CD101: variants seen among roughly 807,000 people sequenced by gnomAD.
CD101 encodes immunoglobulin superfamily member 2.
A neutral mutation model predicts 98.2 loss-of-function variants in CD101; 76 were observed. The observed-to-expected ratio is 0.77, with a 90% CI of 0.64 to 0.94. The LOEUF is 0.94. Ranked by LOEUF, CD101 falls within the 40% of genes least tolerant of loss-of-function variation. The pLI is 0.00. For synonymous variants in CD101, 471 were observed against 472.7 expected, an observed-to-expected ratio of 1.00 and a Z score of 0.05; for missense variants, 1,145 against 1,218.8, an observed-to-expected ratio of 0.94 and a Z score of 0.90.
In CD101 at chr1:117,018,224, T is replaced by A; in HGVS notation, c.1681T>A (p.Ser561Thr). 1 of 1,614,150 alleles carries A rather than the reference T, an allele frequency of 6.2e-7. No individual in the cohort carries two copies. The highest frequency in any genetic ancestry group is 1.1e-5 in the South Asian group (1 of 91,080). Residue 561 changes from serine to threonine, a missense_variant, in exon 6 of 10, where the codon TCC (serine) becomes ACC (threonine). Transcript: ENST00000682167. The surrounding 1 kb of genome is among the most constrained non-coding windows in gnomAD (Gnocchi z 4.3). ...GATGTTAACCAACACCTTTGACCTGTCCTGTGTCGTGAGGGCCGGTTACTC... is the reference window on the plus strand; with the variant it reads ...GATGTTAACCAACACCTTTGACCTGACCTGTGTCGTGAGGGCCGGTTACTC... ...QVMLTNTFDL[S>T]CVVRAGYSDL...
intron 6 of CD101, among the ~76,000 whole-genome samples, chr1:117,020,013 C>A (rs972404142): frequency 6.6e-6 from 1 of 152,058 alleles, no homozygotes; most frequent in Non-Finnish European, 1.5e-5. Flanking sequence ...GGCAGCTCCT[C>A]AATTGTCCAT....
At chr1:117,008,348 C>T (rs1652664180) in intron 1 of CD101, among the ~76,000 whole-genome samples, 1 of 152,072 alleles carries the variant, frequency 6.6e-6, no homozygotes, top group African/African-American at 2.4e-5. Context: ...GCCTGTAATC[C>T]TAGCTACTCA....
In CD101 at chr1:117,025,521, G is replaced by A. The variant is rs374452638; in HGVS notation, c.2441G>A (p.Arg814His). ...TTTTATTTTCTAGGAAGTAAGGTAC[G>A]TGTCTCCAAAGTGTACTGGACCGAA... Reference protein sequence around the residue: ...LKLKPTGSKVRVSKVYWTENV... With the variant: ...LKLKPTGSKVHVSKVYWTENV... The change falls in exon 8 of 10, where the codon CGT becomes CAT. Residue 814 changes from arginine to histidine, a missense_variant. Transcript: ENST00000682167. 9.6e-6 allele frequency: 15 copies of A among 1,555,356 alleles called. No homozygotes were observed. Among genetic ancestry groups the A allele is most frequent in the African/African-American group, 6.8e-5 (5 of 73,190 alleles).
At chr1:117,017,566 T>A in intron 5 of CD101, 93 bp downstream of exon 5, 1 of 1,268,042 alleles carries the variant, frequency 7.9e-7, no homozygotes, top group Non-Finnish European at 1.1e-6. Flanking sequence ...AATCCCCCAG[T>A]GATGGTATGT....
rs3835638 is a variant in CD101 at position 117,030,379 on chromosome 1, AAAAC to A, written c.2825-3457_2825-3454del. On this transcript the variant is annotated intron_variant, in intron 8 of 9. Transcript: ENST00000682167. ...CTGGATGACAGAGCAAGACACTGTCAAAACAAACAAACAAACAAACAAACAAAGA... is the reference window on the plus strand; with the variant it reads ...CTGGATGACAGAGCAAGACACTGTCAAAACAAACAAACAAACAAACAAAGA... 5.0e-3 allele frequency among the ~76,000 whole-genome samples: 758 copies of A among 150,338 alleles called. 1 individual carries two copies. The highest frequency in any genetic ancestry group is 0.015 in the African/African-American group (606 of 40,606).
At chr1:117,034,250 C>A (rs1654658914) in intron 9 of CD101, 116 bp downstream of exon 9, 2 of 892,678 alleles carry the variant, frequency 2.2e-6, no homozygotes, top group South Asian at 1.7e-5. Context: ...TCACTGAGTG[C>A]TTATTGGTTC....
chr1:117,008,960 A>C (rs1324124623), intron 1 of CD101, among the ~76,000 whole-genome samples: 1 of 152,214 alleles, frequency 6.6e-6, no homozygotes, highest in Non-Finnish European at 1.5e-5. Flanking sequence ...TCTTTCTGCA[A>C]CACAAAATGA....
rs576726007 is a variant in CD101 at position 117,010,577 on chromosome 1, G to C, written c.424+347G>C. ...CTGCTTGCAGGCAGAACAGTAATTT[G>C]ACAAGAAAGCTGGTACCATAGGTGA... On this transcript the variant is annotated intron_variant, in intron 2 of 9. Coordinates refer to ENST00000682167, the MANE Select transcript of CD101 (RefSeq NM_001256106.3). The surrounding 1 kb of genome is among the most constrained non-coding windows in gnomAD (Gnocchi z 5.2). Among the ~76,000 whole-genome samples, 10 of 152,314 alleles carry C rather than the reference G, an allele frequency of 6.6e-5. No homozygotes were observed. In the South Asian group the frequency reaches 2.1e-3, roughly 32 times the overall value.
Position 117,021,695 on chromosome 1 carries a change from T to A in CD101, c.2140T>A (p.Tyr714Asn), listed in dbSNP as rs1653594517. The change falls in exon 7 of 10, where the codon TAT (tyrosine) becomes AAT (asparagine). Residue 714 changes from tyrosine (Y) to asparagine (N), a missense_variant. Coordinates refer to ENST00000682167, the MANE Select transcript of CD101 (RefSeq NM_001256106.3). This position sits in a 1 kb window ranked among gnomAD's most constrained non-coding sequence, Gnocchi z 4.7. The part of the protein sequence containing the change: ...NGNLQLAIIW[Y>N]FSPVSTNASW... ...AAACCTTCAGTTAGCCATTATTTGG[T>A]ATTTTTCTCCTGTTTCCACTAATGC... 6.2e-7 allele frequency: 1 copy of A among 1,614,184 alleles called. No homozygotes were observed. The highest frequency in any genetic ancestry group is 8.5e-7 in the Non-Finnish European group (1 of 1,180,024).
Position 117,018,340 on chromosome 1 carries a change from C to T in CD101, c.1797C>T (p.Gly599=). The part of the protein sequence containing the change: ...FHQLIRITHN[G]TIEWGNFLSR... ...AGCTTATTCGAATCACCCACAATGG[C>T]ACTATTGAATGGGGGAATTTCCTAT... The change falls in exon 6 of 10, where the codon GGC becomes GGT. Residue 599 remains glycine, a synonymous_variant. Transcript: ENST00000682167. The surrounding 1 kb of genome is among the most constrained non-coding windows in gnomAD (Gnocchi z 4.3). 6.2e-6 allele frequency: 10 copies of T among 1,614,180 alleles called. No individual in the cohort carries two copies. Among genetic ancestry groups the T allele is most frequent in the Non-Finnish European group, 8.5e-6 (10 of 1,180,022 alleles).
intron 1 of CD101, among the ~76,000 whole-genome samples, chr1:117,008,959 A>G (rs1652711220): frequency 6.6e-6 from 1 of 152,208 alleles, no homozygotes; most frequent in African/African-American, 2.4e-5. Flanking sequence ...TTCTTTCTGC[A>G]ACACAAAATG....
chr1:117,022,048 T>C lies in CD101; in HGVS notation c.2428+65T>C, dbSNP rs939081634. 3.3e-6 allele frequency: 5 copies of C among 1,511,984 alleles called. No homozygotes were observed. The highest frequency in any genetic ancestry group is 4.5e-6 in the Non-Finnish European group (5 of 1,121,060). The allele number at this position is 1,511,984 out of a possible 1,614,324, so 93.7% of individuals were successfully genotyped here. The stretch of plus-strand genomic sequence containing the variant: ...TGACGGCTGTTTTCTCTTGGGCAGC[T>C]GTTCTATGGAGTGATTATGTGGAAG... On this transcript the variant is annotated intron_variant, in intron 7 of 9. Transcript: ENST00000682167. The surrounding 1 kb of genome is among the most constrained non-coding windows in gnomAD (Gnocchi z 4.8).
chr1:117,035,164 C>T (rs1481893402), intron 9 of CD101, among the ~76,000 whole-genome samples: 3 of 152,170 alleles, frequency 2.0e-5, no homozygotes, highest in African/African-American at 4.8e-5. Flanking sequence ...ATCTTTGTTT[C>T]AAAAGCCGCT....
At chr1:117,016,178 A>G (rs544039915) in intron 4 of CD101, among the ~76,000 whole-genome samples, 5 of 148,058 alleles carry the variant, frequency 3.4e-5, no homozygotes, top group South Asian at 4.2e-4. Context: ...TTGTAAACAG[A>G]CACACATTTA....
chr1:117,032,846 CT>C (rs1277072273), intron 8 of CD101: 1 of 152,348 alleles, frequency 6.6e-6, no homozygotes, highest in Non-Finnish European at 1.5e-5. Context: ...TTTGGGGCTG[CT>C]TGTGCGTGCT....
rs191903276 is a variant in CD101, at chr1:117,006,483, A to C, written c.44-3367A>C. 1.5e-4 allele frequency among the ~76,000 whole-genome samples: 23 copies of C among 152,268 alleles called. No homozygotes were observed. The highest frequency in any genetic ancestry group is 1.2e-3 in the Admixed American group (18 of 15,286). ...AGTCCTTTCTGCTCTGGACCCAAAA[A>C]TTGCTGTCCAGTTTTACCTCTTTCT... On this transcript the variant is annotated intron_variant, in intron 1 of 9. Transcript: ENST00000682167. This position sits in a 1 kb window ranked among gnomAD's most constrained non-coding sequence, Gnocchi z 4.4.
chr1:117,026,507 G>A (rs1653941334), intron 8 of CD101: 1 of 152,200 alleles, frequency 6.6e-6, no homozygotes, highest in African/African-American at 2.4e-5. Context: ...TGAGTGCCAG[G>A]CCAAAATGTT....
intron 8 of CD101, among the ~76,000 whole-genome samples, chr1:117,030,460 A>G (rs1304645062): frequency 6.6e-6 from 1 of 151,746 alleles, no homozygotes; most frequent in Non-Finnish European, 1.5e-5. Context: ...AAAGAAAAGA[A>G]AGAAAAAAAG....
rs1428005580 is a variant in CD101 at position 117,033,847 on chromosome 1, C to T, written c.2825-13C>T. 1.1e-5 allele frequency: 18 copies of T among 1,613,872 alleles called. No individual in the cohort carries two copies. The highest frequency in any genetic ancestry group is 1.4e-5 in the Non-Finnish European group (17 of 1,179,842). ...GGAGATGAATTACTCTCTTGTTTCT[C>T]CCTTCGTTGCAGAGCCCACGCTTCC... is the stretch of plus-strand genomic sequence containing the variant. On this transcript the variant is annotated splice_polypyrimidine_tract_variant and intron_variant, in intron 8 of 9. Coordinates refer to ENST00000682167, the MANE Select transcript of CD101 (RefSeq NM_001256106.3). The surrounding 1 kb of genome is among the most constrained non-coding windows in gnomAD (Gnocchi z 4.8).
Sources: allele counts gnomAD v4.1 joint callset (sites outside exome capture counted in the v4.1 genomes callset), GRCh38; gene constraint gnomAD v4.1.1; non-coding constraint Gnocchi (gnomAD v3.1); transcripts MANE v1.5; gene names NCBI Gene and HGNC (gene_info 2026-07-23, HGNC 2026-07-21).